The following LAMA2 variants were observed in gnomAD, a reference collection of about 807,000 sequenced individuals.
LAMA2 encodes the protein laminin subunit alpha 2.
LAMA2 carries 269 observed loss-of-function variants against 364.8 expected under a neutral mutation model. The ratio of observed to expected loss-of-function variants is 0.74; its 90% CI spans 0.67 to 0.82. The LOEUF (loss-of-function observed/expected upper bound fraction) is 0.82. Among genes scored for constraint, LAMA2 ranks in the 40% least tolerant of loss-of-function variants. The pLI is 0.00. For missense variants in LAMA2, 3,807 were observed against 3,873.2 expected, an observed-to-expected ratio of 0.98 and a Z score of 0.45; for synonymous variants, 1,379 against 1,370.6, an observed-to-expected ratio of 1.01 and a Z score of -0.14.
intron 62 of LAMA2, among the ~76,000 whole-genome samples, chr6:129,509,296 C>G (rs977358215): frequency 5.3e-5 from 8 of 152,142 alleles, no homozygotes; most frequent in African/African-American, 1.9e-4. Flanking sequence ...TTATCCCATT[C>G]TGTGGGTTGT....
intron 12 of LAMA2, among the ~76,000 whole-genome samples, chr6:129,243,903 A>G (rs1785562943): frequency 6.6e-6 from 1 of 151,968 alleles, no homozygotes; most frequent in South Asian, 2.1e-4. Context: ...TGAAGAAGAA[A>G]GCTAAGGAGA....
intron 1 of LAMA2, among the ~76,000 whole-genome samples, chr6:128,887,569 A>C (rs1339734285): frequency 6.6e-6 from 1 of 152,102 alleles, no homozygotes; most frequent in East Asian, 1.9e-4. Context: ...AACTGAATCT[A>C]TATCAAGGGA....
chr6:128,932,052 CCT>C (rs897647531), intron 1 of LAMA2, among the ~76,000 whole-genome samples: 4 of 152,172 alleles, frequency 2.6e-5, no homozygotes, highest in African/African-American at 9.6e-5. Context: ...AGGAAAAAAA[CCT>C]CTCACAACTT....
At chr6:129,189,670 C>T (rs1329259995) in intron 10 of LAMA2, among the ~76,000 whole-genome samples, 1 of 152,124 alleles carries the variant, frequency 6.6e-6, no homozygotes, top group Non-Finnish European at 1.5e-5. Context: ...CCCAGTTTCT[C>T]TACCTGTCAA....
At chr6:129,513,899 AT>A (rs1311825687) in intron 63 of LAMA2, among the ~76,000 whole-genome samples, 2 of 152,256 alleles carry the variant, frequency 1.3e-5, no homozygotes, top group Non-Finnish European at 2.9e-5. Context: ...AAGGAAAAAA[AT>A]ATAATTAAAA....
At chr6:128,975,974 C>T (rs905455244) in intron 1 of LAMA2, among the ~76,000 whole-genome samples, 1 of 152,036 alleles carries the variant, frequency 6.6e-6, no homozygotes, top group Non-Finnish European at 1.5e-5. Flanking sequence ...CTTTGTGAGC[C>T]TTGTTAGTGA....
intron 12 of LAMA2, among the ~76,000 whole-genome samples, chr6:129,211,117 A>G (rs1783074412): frequency 6.6e-6 from 1 of 152,248 alleles, no homozygotes; most frequent in African/African-American, 2.4e-5. Context: ...AATGCCAAAT[A>G]TAATCTTACA....
At position 129,312,950 on chromosome 6, in the gene LAMA2, A is replaced by G; in HGVS notation, c.3264A>G (p.Ala1088=). ...ACTGTCATCCAAAATTCTCTGGTGC[A>G]AAATGTACAGAGTGCAGTCGAGGTC... ...QCNCHPKFSG[A]KCTECSRGHW... The change falls in exon 23 of 65, where the codon GCA becomes GCG. Residue 1088 remains alanine (A), a synonymous_variant. Coordinates refer to ENST00000421865, the MANE Select transcript of LAMA2 (RefSeq NM_000426.4). 6.2e-7 allele frequency: 1 copy of G among 1,614,196 alleles called. No homozygotes were observed. The highest frequency in any genetic ancestry group is 1.1e-5 in the South Asian group (1 of 91,082).
At chr6:129,362,055 G>A (rs573034813) in intron 32 of LAMA2, among the ~76,000 whole-genome samples, 81 of 151,986 alleles carry the variant, frequency 5.3e-4, no homozygotes, top group African/African-American at 1.8e-3. Context: ...ATACTGCTTG[G>A]ATTACAGGCC....
intron 9 of LAMA2, among the ~76,000 whole-genome samples, chr6:129,176,452 G>C (rs536767365): frequency 2.0e-5 from 3 of 152,004 alleles, no homozygotes; most frequent in African/African-American, 7.2e-5. Flanking sequence ...GATATTATTA[G>C]ATTATTCAAA....
intron 3 of LAMA2, among the ~76,000 whole-genome samples, chr6:129,077,650 C>G (rs1016598669): frequency 6.6e-6 from 1 of 152,114 alleles, no homozygotes; most frequent in Admixed American, 6.5e-5. Context: ...TACAGAGAAC[C>G]CTATGTGCTG....
chr6:128,938,238 TA>T (rs1437375981), intron 1 of LAMA2, among the ~76,000 whole-genome samples: 8 of 152,248 alleles, frequency 5.3e-5, no homozygotes, highest in African/African-American at 1.9e-4. Flanking sequence ...TTAATAATAA[TA>T]ATGAGAGTAT....
At chr6:129,299,351 G>A (rs1773405253) in intron 21 of LAMA2, among the ~76,000 whole-genome samples, 1 of 152,056 alleles carries the variant, frequency 6.6e-6, no homozygotes, top group Admixed American at 6.6e-5. Flanking sequence ...GTTACAATTA[G>A]TTGAGTTAGC....
At position 129,274,259 on chromosome 6, in the gene LAMA2, A is replaced by T. The variant is rs144558104; in HGVS notation, c.2450+3508A>T. Reference sequence around the variant, plus strand: ...ACCTGAAATGTTTAAAAAAAAAATCACTAAACAAGACACTTAATGACCTAG... The same window carrying T: ...ACCTGAAATGTTTAAAAAAAAAATCTCTAAACAAGACACTTAATGACCTAG... On this transcript the variant is annotated intron_variant, in intron 17 of 64. Coordinates refer to ENST00000421865, the MANE Select transcript of LAMA2 (RefSeq NM_000426.4). Among the ~76,000 whole-genome samples the T allele has an allele frequency of 4.5e-3, 690 of 152,072 alleles. 4 individuals carry two copies. Among genetic ancestry groups the T allele is most frequent in the Non-Finnish European group, 6.0e-3 (408 of 67,924 alleles).
chr6:128,922,559 GT>G (rs1038723956), intron 1 of LAMA2, among the ~76,000 whole-genome samples: 1 of 151,520 alleles, frequency 6.6e-6, no homozygotes, highest in East Asian at 1.9e-4. Context: ...GGGGTTGTTT[GT>G]TTTTTTCTTG....
chr6:129,104,037 T>C (rs1322254744), intron 4 of LAMA2, among the ~76,000 whole-genome samples: 1 of 152,062 alleles, frequency 6.6e-6, no homozygotes, highest in South Asian at 2.1e-4. Flanking sequence ...TTTTCTTTCT[T>C]CTTTACAAAC....
intron 12 of LAMA2, among the ~76,000 whole-genome samples, chr6:129,223,970 T>C (rs1048867808): frequency 4.6e-5 from 7 of 152,198 alleles, no homozygotes; most frequent in Admixed American, 4.6e-4. Context: ...ATTCTTCCTA[T>C]CCATAAGCAT....
intron 24 of LAMA2, among the ~76,000 whole-genome samples, chr6:129,315,160 A>G (rs1350655182): frequency 1.3e-5 from 2 of 152,056 alleles, no homozygotes; most frequent in Admixed American, 1.3e-4. Flanking sequence ...ATTCCAACCA[A>G]CCTTAGGCAA....
chr6:128,909,405 T>A (rs1366898709), intron 1 of LAMA2, among the ~76,000 whole-genome samples: 1 of 151,714 alleles, frequency 6.6e-6, no homozygotes, highest in Non-Finnish European at 1.5e-5. Flanking sequence ...CTTCTTTGTC[T>A]CTTTTGATCT....
Sources: gnomAD v4.1 joint callset for allele counts (sites outside exome capture counted in the v4.1 genomes callset) on GRCh38, gnomAD v4.1.1 for gene constraint, MANE v1.5 for transcripts, NCBI Gene and HGNC (gene_info 2026-07-23, HGNC 2026-07-21) for gene names.